The following NIM1K variants were observed in gnomAD, a reference collection of about 807,000 sequenced individuals.
NIM1K encodes serine/threonine-protein kinase NIM1.
A neutral mutation model predicts 37.1 loss-of-function variants in NIM1K; 35 were observed. The ratio of observed to expected loss-of-function variants is 0.94; its 90% CI spans 0.72 to 1.25. The LOEUF (loss-of-function observed/expected upper bound fraction) is 1.25, where lower values mean the gene tolerates loss of function less well. NIM1K is among the 50% of genes most tolerant of loss of function. NIM1K has a pLI of 0.00. For missense variants in NIM1K, 564 were observed against 548.0 expected, an observed-to-expected ratio of 1.03 and a Z score of -0.29; for synonymous variants, 234 against 206.6, an observed-to-expected ratio of 1.13 and a Z score of -1.14.
intron 1 of NIM1K, among the ~76,000 whole-genome samples, chr5:43,203,663 A>G (rs1252925252): frequency 6.6e-6 from 1 of 152,172 alleles, no homozygotes; most frequent in Non-Finnish European, 1.5e-5. Context: ...CATATAGTAC[A>G]CTAATCTGTG....
At chr5:43,223,034 G>A (rs1345741146) in intron 1 of NIM1K, among the ~76,000 whole-genome samples, 1 of 151,716 alleles carries the variant, frequency 6.6e-6, no homozygotes, top group African/African-American at 2.4e-5. Flanking sequence ...AGCTACTCCG[G>A]AGGCTGAGGC....
At chr5:43,233,790 C>T (rs184985396) in intron 1 of NIM1K, among the ~76,000 whole-genome samples, 9 of 152,286 alleles carry the variant, frequency 5.9e-5, no homozygotes, top group Admixed American at 5.9e-4. Flanking sequence ...ATGAGTGTTC[C>T]CGCACCGTTT....
At chr5:43,243,300 C>A (rs191265530) in intron 1 of NIM1K, among the ~76,000 whole-genome samples, 1 of 152,150 alleles carries the variant, frequency 6.6e-6, no homozygotes, top group Non-Finnish European at 1.5e-5. Flanking sequence ...TGCAGAATTA[C>A]TACTTCATTC....
intron 1 of NIM1K, chr5:43,231,890 AGT>A: frequency 9.1e-7 from 1 of 1,093,540 alleles, no homozygotes; most frequent in Non-Finnish European, 1.3e-6. Context: ...TCTCAAGGGC[AGT>A]CATGTCCTCA....
chr5:43,201,904 A>C (rs2112203748), intron 1 of NIM1K, among the ~76,000 whole-genome samples: 1 of 151,298 alleles, frequency 6.6e-6, no homozygotes, highest in Admixed American at 6.6e-5. Flanking sequence ...GGTTGCAGTG[A>C]GCTGAGATCG....
chr5:43,214,439 T>G (rs541454384), intron 1 of NIM1K, among the ~76,000 whole-genome samples: 1 of 152,338 alleles, frequency 6.6e-6, no homozygotes, highest in Non-Finnish European at 1.5e-5. Context: ...TGCAGAACTT[T>G]CCTTGAACTT....
At chr5:43,262,723 C>A (rs956869079) in intron 2 of NIM1K, among the ~76,000 whole-genome samples, 5 of 152,038 alleles carry the variant, frequency 3.3e-5, no homozygotes, top group African/African-American at 1.2e-4. Flanking sequence ...TTGCCCATTC[C>A]ATATGATATT....
intron 2 of NIM1K, among the ~76,000 whole-genome samples, chr5:43,258,677 G>A (rs1394506282): frequency 2.0e-5 from 3 of 152,146 alleles, no homozygotes; most frequent in South Asian, 2.1e-4. Context: ...TCCAGGGCTC[G>A]AGTAATCCTC....
intron 2 of NIM1K, among the ~76,000 whole-genome samples, chr5:43,258,794 CTT>C (rs1752985757): frequency 6.6e-6 from 1 of 151,734 alleles, no homozygotes; most frequent in South Asian, 2.1e-4. Context: ...TTTTCAATGA[CTT>C]TTGGGGTACA....
intron 1 of NIM1K, among the ~76,000 whole-genome samples, chr5:43,218,649 T>A (rs1752339423): frequency 6.6e-6 from 1 of 151,952 alleles, no homozygotes. Context: ...TCATGAGGGA[T>A]CCTTCCCCAT....
In NIM1K at chr5:43,245,840, G is replaced by A. The variant is rs761270527; in HGVS notation, c.65G>A (p.Arg22His). Residue 22 changes from arginine (R) to histidine (H), a missense_variant, in exon 2 of 4, where the codon CGC (arginine) becomes CAC (histidine). Physicochemically the swap from Arg to His is conservative, Grantham distance 29. Transcript: ENST00000326035. The part of the protein sequence containing the change: ...VNPHYARWDR[R>H]DSVESGCQTE... ...CCCCACTATGCCCGGTGGGATCGGC[G>A]CGACAGTGTAGAAAGTGGCTGTCAG... is the stretch of plus-strand genomic sequence containing the variant. The A allele has an allele frequency of 1.5e-5, 25 of 1,613,990 alleles. No homozygotes were observed. The highest frequency in any genetic ancestry group is 2.0e-5 in the Non-Finnish European group (24 of 1,179,948).
At chr5:43,217,865 C>A (rs925387128) in intron 1 of NIM1K, among the ~76,000 whole-genome samples, 3 of 151,938 alleles carry the variant, frequency 2.0e-5, no homozygotes, top group African/African-American at 4.8e-5. Context: ...GTGTGTGCCA[C>A]CATGACTGGC....
chr5:43,207,995 A>T (rs1752142431), intron 1 of NIM1K, among the ~76,000 whole-genome samples: 1 of 152,070 alleles, frequency 6.6e-6, no homozygotes, highest in African/African-American at 2.4e-5. Context: ...TTATGGTGTT[A>T]TTTTTTTGAA....
At chr5:43,219,053 C>T (rs188715694) in intron 1 of NIM1K, among the ~76,000 whole-genome samples, 165 of 152,184 alleles carry the variant, frequency 1.1e-3, no homozygotes, top group African/African-American at 3.9e-3. Context: ...GGGCTTTTCC[C>T]GCTTTTGCTC....
intron 2 of NIM1K, among the ~76,000 whole-genome samples, chr5:43,274,702 A>G (rs898381489): frequency 1.3e-5 from 2 of 152,218 alleles, no homozygotes; most frequent in African/African-American, 4.8e-5. Context: ...CCCACCGCTC[A>G]GTATTGCCTC....
chr5:43,239,672 A>G (rs980453123), intron 1 of NIM1K, among the ~76,000 whole-genome samples: 3 of 150,750 alleles, frequency 2.0e-5, no homozygotes, highest in African/African-American at 7.4e-5. Context: ...GATTACAGGC[A>G]TGCACCACAT....
At chr5:43,261,661 GT>G (rs1164828651) in intron 2 of NIM1K, among the ~76,000 whole-genome samples, 1 of 151,998 alleles carries the variant, frequency 6.6e-6, no homozygotes, top group Non-Finnish European at 1.5e-5. Context: ...TGCTTTTGGT[GT>G]TTTAGACATG....
intron 1 of NIM1K, among the ~76,000 whole-genome samples, chr5:43,223,945 T>C (rs1296698992): frequency 1.4e-5 from 2 of 147,752 alleles, no homozygotes; most frequent in Non-Finnish European, 3.0e-5. Context: ...GTTTGTTTTA[T>C]TGTGCAAAAA....
chr5:43,252,361 C>T lies in NIM1K; in HGVS notation c.292+6294C>T, dbSNP rs117385539. Reference sequence around the variant, plus strand: ...CTATTGTCAAAGAAACAGTCTCACCCGCTGGTTCTGGGACAGTATGTGCAA... The same window carrying T: ...CTATTGTCAAAGAAACAGTCTCACCTGCTGGTTCTGGGACAGTATGTGCAA... On this transcript the variant is annotated intron_variant, in intron 2 of 3. Transcript: ENST00000326035. Among the ~76,000 whole-genome samples the T allele has an allele frequency of 3.9e-3, 593 of 152,138 alleles. 1 individual carries two copies. The highest frequency in any genetic ancestry group is 0.034 in the Middle Eastern group (10 of 292).
Sources: allele counts gnomAD v4.1 joint callset (sites outside exome capture counted in the v4.1 genomes callset), GRCh38; gene constraint gnomAD v4.1.1; transcripts MANE v1.5; gene names NCBI Gene and HGNC (gene_info 2026-07-23, HGNC 2026-07-21).